ST3GAL3: variants seen among roughly 807,000 people sequenced by gnomAD.
ST3GAL3 encodes ST3 beta-galactoside alpha-2,3-sialyltransferase 3.
Under a neutral mutation model 50.1 loss-of-function variants are expected in ST3GAL3, and 21 were observed. The ratio of observed to expected loss-of-function variants is 0.42; its 90% CI spans 0.30 to 0.60. The LOEUF is 0.60. ST3GAL3 is among the 20% of genes least tolerant of loss of function. ST3GAL3 has a pLI of 0.19. For synonymous variants in ST3GAL3, 183 were observed against 190.0 expected (o/e 0.96, Z 0.30); for missense variants, 353 against 489.4 (o/e 0.72, Z 2.63).
chr1:43,827,274 C>A (rs888136700), intron 4 of ST3GAL3, among the ~76,000 whole-genome samples: 1 of 151,996 alleles, frequency 6.6e-6, no homozygotes, highest in Non-Finnish European at 1.5e-5. Context: ...AATTGCTTTT[C>A]TATATACCAG....
intron 5 of ST3GAL3, chr1:43,858,221 A>G (rs2069002911): frequency 7.8e-7 from 1 of 1,289,400 alleles, no homozygotes; most frequent in Non-Finnish European, 1.0e-6. Flanking sequence ...GTGGGGACAC[A>G]GAGAAGGCCC....
chr1:43,845,263 G>T (rs907360297), intron 5 of ST3GAL3, among the ~76,000 whole-genome samples: 2 of 152,044 alleles, frequency 1.3e-5, no homozygotes, highest in African/African-American at 4.8e-5. Context: ...AATTACAGAT[G>T]TGAGCCACTG....
intron 5 of ST3GAL3, among the ~76,000 whole-genome samples, chr1:43,882,464 T>C (rs1224378362): frequency 1.3e-5 from 2 of 152,194 alleles, no homozygotes; most frequent in Non-Finnish European, 2.9e-5. Flanking sequence ...GTCAAATGAA[T>C]TCAAGCAAAA....
chr1:43,713,829 G>T (rs1274765170), intron 1 of ST3GAL3, among the ~76,000 whole-genome samples: 1 of 152,096 alleles, frequency 6.6e-6, no homozygotes, highest in African/African-American at 2.4e-5. Flanking sequence ...AGCCACTACG[G>T]CCAGCCACGT....
chr1:43,759,983 C>T (rs867556927), intron 2 of ST3GAL3, among the ~76,000 whole-genome samples: 1 of 152,140 alleles, frequency 6.6e-6, no homozygotes, highest in African/African-American at 2.4e-5. Flanking sequence ...GGGAAAAATA[C>T]GCATAAAACA....
intron 3 of ST3GAL3, chr1:43,801,590 G>T: frequency 6.7e-6 from 2 of 297,612 alleles, no homozygotes; most frequent in South Asian, 3.2e-5. Flanking sequence ...AATAGGAGAG[G>T]ACTTGGAGTT....
chr1:43,890,554 G>T (rs1482033918), intron 5 of ST3GAL3, among the ~76,000 whole-genome samples: 1 of 152,118 alleles, frequency 6.6e-6, no homozygotes, highest in Non-Finnish European at 1.5e-5. Flanking sequence ...AAAGCCAAAG[G>T]CCTGATAAAA....
intron 11 of ST3GAL3, among the ~76,000 whole-genome samples, chr1:43,923,168 A>G (rs1337381185): frequency 1.3e-5 from 2 of 150,302 alleles, no homozygotes; most frequent in African/African-American, 4.9e-5. Context: ...TGGGAGACTG[A>G]GGTGGGAGGA....
intron 7 of ST3GAL3, 81 bp downstream of exon 7, chr1:43,898,379 G>A: frequency 2.1e-6 from 3 of 1,445,044 alleles, no homozygotes; most frequent in Non-Finnish European, 1.9e-6. Context: ...GGCCTTCCCT[G>A]GACATGGGCA....
intron 5 of ST3GAL3, among the ~76,000 whole-genome samples, chr1:43,881,786 A>T (rs1275598128): frequency 7.1e-6 from 1 of 140,464 alleles, no homozygotes; most frequent in African/African-American, 2.6e-5. Context: ...GTATTTCAGA[A>T]TGGGGGGTGG....
intron 11 of ST3GAL3, among the ~76,000 whole-genome samples, 164 bp downstream of exon 11, chr1:43,921,092 C>G (rs2154295461): frequency 6.6e-6 from 1 of 152,194 alleles, no homozygotes; most frequent in South Asian, 2.1e-4. Flanking sequence ...CCCACTGAAC[C>G]CAGGGCCTTC....
At chr1:43,851,749 C>A in intron 5 of ST3GAL3, 1 of 933,166 alleles carries the variant, frequency 1.1e-6, no homozygotes. Flanking sequence ...GGGTCCGAAG[C>A]TGCCGGAACA....
At chr1:43,917,071 G>A (rs988753121) in intron 9 of ST3GAL3, 1 of 151,966 alleles carries the variant, frequency 6.6e-6, no homozygotes, top group Non-Finnish European at 1.5e-5. Flanking sequence ...GAGGTCATAA[G>A]ATATAAACAG....
chr1:43,911,725 T>A (rs2080965469), intron 9 of ST3GAL3: 1 of 151,492 alleles, frequency 6.6e-6, no homozygotes, highest in Admixed American at 6.6e-5. Context: ...TCTGGCTATG[T>A]CACCCAGGCT....
At chr1:43,871,668 A>G (rs1411197336) in intron 5 of ST3GAL3, among the ~76,000 whole-genome samples, 12 of 23,420 alleles carry the variant, frequency 5.1e-4, no homozygotes, top group South Asian at 2.3e-3. Context: ...GTGAGGGAGA[A>G]GATGGGGTGT....
chr1:43,883,890 A>G (rs1233754177), intron 5 of ST3GAL3, among the ~76,000 whole-genome samples: 1 of 152,198 alleles, frequency 6.6e-6, no homozygotes, highest in Non-Finnish European at 1.5e-5. Context: ...TTGTCTTTCA[A>G]GGCTTAGCTC....
At chr1:43,917,651 TATAATATATAA>T (rs2082276740) in intron 9 of ST3GAL3, among the ~76,000 whole-genome samples, 1 of 60,318 alleles carries the variant, frequency 1.7e-5, no homozygotes, top group African/African-American at 5.0e-5. Flanking sequence ...TAATATATAA[TATAATATATAA>T]TATATATTAT....
Position 43,909,347 on chromosome 1 carries a change from C to T in ST3GAL3, c.744+9620C>T, listed in dbSNP as rs536904932. Among the ~76,000 whole-genome samples, 49 of 152,324 alleles carry T rather than the reference C, an allele frequency of 3.2e-4. No homozygotes were observed. In the South Asian group the frequency reaches 4.6e-3, roughly 14 times the overall value. Reference sequence around the variant, plus strand: ...TCTTGCCTCTCCAGGGCATCTCTTTCCTCTTAGCCATGTTTGATCTTCTTT... The same window carrying T: ...TCTTGCCTCTCCAGGGCATCTCTTTTCTCTTAGCCATGTTTGATCTTCTTT... On this transcript the variant is annotated intron_variant, in intron 9 of 11. Coordinates refer to ENST00000347631, the MANE Select transcript of ST3GAL3 (RefSeq NM_006279.5).
At chr1:43,893,577 C>T (rs2076951171) in intron 5 of ST3GAL3, among the ~76,000 whole-genome samples, 1 of 152,146 alleles carries the variant, frequency 6.6e-6, no homozygotes, top group Admixed American at 6.5e-5. Context: ...CAAGCCTGTC[C>T]CCTCCCTGCC....
Sources: allele counts gnomAD v4.1 joint callset (sites outside exome capture counted in the v4.1 genomes callset), GRCh38; gene constraint gnomAD v4.1.1; transcripts MANE v1.5; gene names NCBI Gene and HGNC (gene_info 2026-07-23, HGNC 2026-07-21).